FZD1: variants seen among roughly 807,000 people sequenced by gnomAD.
FZD1 encodes the protein frizzled class receptor 1, also known as frizzled-1.
Under a neutral mutation model 48.0 loss-of-function variants are expected in FZD1, and 22 were observed. That is an observed-to-expected ratio of 0.46 (90% CI 0.33 to 0.65). FZD1 has a LOEUF of 0.65. Among genes scored for constraint, FZD1 ranks in the 30% least tolerant of loss-of-function variants. The pLI is 0.02. For missense variants in FZD1, 843 were observed against 898.1 expected (o/e 0.94, Z 0.78); for synonymous variants, 486 against 409.6 (o/e 1.19, Z -2.25).
In FZD1 at chr7:91,265,983, C is replaced by T. The variant is rs772772421; in HGVS notation, c.1103C>T (p.Ala368Val). 6.2e-7 allele frequency: 1 copy of T among 1,614,088 alleles called. No individual in the cohort carries two copies. Among genetic ancestry groups the T allele is most frequent in the South Asian group, 1.1e-5 (1 of 91,080 alleles). Reference sequence around the variant, plus strand: ...GGCTGTTACACGGCCGTGGCCGTGGCCTACATCGCCGGCTTCCTCCTGGAA... The same window carrying T: ...GGCTGTTACACGGCCGTGGCCGTGGTCTACATCGCCGGCTTCCTCCTGGAA... The part of the protein sequence containing the change: ...LSGCYTAVAV[A>V]YIAGFLLEDR... The change falls in exon 1 of 1, where the codon GCC becomes GTC. Residue 368 changes from alanine (A) to valine (V), a missense_variant. This residue lies in a region of FZD1 where 353 missense variants were observed against 431.6 expected (regional missense o/e 0.82). Coordinates refer to ENST00000287934, the MANE Select transcript of FZD1 (RefSeq NM_003505.2). The surrounding 1 kb of genome is among the most constrained non-coding windows in gnomAD (Gnocchi z 6.9).
rs767694979 is a variant in FZD1, at chr7:91,265,510, A to G, written c.630A>G (p.Pro210=). The change falls in exon 1 of 1, where the codon CCA becomes CCG. Residue 210 remains proline, a synonymous_variant. Transcript: ENST00000287934. This position sits in a 1 kb window ranked among gnomAD's most constrained non-coding sequence, Gnocchi z 6.9. Reference sequence around the variant, plus strand: ...TGAACAAGTTCGGCTTCCAGTGGCCAGACACGCTCAAGTGTGAGAAGTTCC... The same window carrying G: ...TGAACAAGTTCGGCTTCCAGTGGCCGGACACGCTCAAGTGTGAGAAGTTCC... ...ALMNKFGFQW[P]DTLKCEKFPV... The G allele has an allele frequency of 3.3e-5, 53 of 1,612,458 alleles. No individual in the cohort carries two copies. The highest frequency in any genetic ancestry group is 4.2e-5 in the Non-Finnish European group (49 of 1,179,832).
chr7:91,269,765 A>G lies in FZD1; in HGVS notation c.*2941A>G, dbSNP rs1803942216. The G allele has an allele frequency of 6.0e-6, 1 of 166,986 alleles. No individual in the cohort carries two copies. The highest frequency in any genetic ancestry group is 1.5e-5 in the Non-Finnish European group (1 of 68,102). 10.3% of individuals were successfully genotyped at this position (166,986 alleles called of 1,614,324 possible). A position where few individuals can be genotyped will look rare whatever the true frequency, so the allele number is the denominator to read the frequency against. On this transcript the variant is annotated 3_prime_UTR_variant, in exon 1 of 1. Coordinates refer to ENST00000287934, the MANE Select transcript of FZD1 (RefSeq NM_003505.2). ...TTATTGTATAGACATACACAAAAAA[A>G]TAGTATTCTTAGGCCAAATTCACAC...
At position 91,264,903 on chromosome 7, in the gene FZD1, A is replaced by C. The variant is rs1056767061; in HGVS notation, c.23A>C (p.Lys8Thr). 7.6e-7 allele frequency: 1 copy of C among 1,319,816 alleles called. No homozygotes were observed. Among genetic ancestry groups the C allele is most frequent in the Non-Finnish European group, 9.6e-7 (1 of 1,040,126 alleles). 81.8% of individuals were successfully genotyped at this position (1,319,816 alleles called of 1,614,324 possible). Residue 8 changes from lysine (K) to threonine (T), a missense_variant, in exon 1 of 1, where the codon AAG becomes ACG. Coordinates refer to ENST00000287934, the MANE Select transcript of FZD1 (RefSeq NM_003505.2). ...AGTATGGCTGAGGAGGAGGCGCCTA[A>C]GAAGTCCCGGGCCGCCGGCGGTGGC... is the stretch of plus-strand genomic sequence containing the variant. MAEEEAPKKSRAAGGGAS... is the reference protein window; with the variant it reads MAEEEAPTKSRAAGGGAS...
In FZD1 at chr7:91,265,016, G is replaced by A; in HGVS notation, c.136G>A (p.Val46Ile). 3.5e-6 allele frequency: 5 copies of A among 1,410,032 alleles called. No homozygotes were observed. The South Asian group carries it at 7.5e-5, about 21-fold the overall frequency. The allele number at this position is 1,410,032 out of a possible 1,614,324, so 87.3% of individuals were successfully genotyped here. The change falls in exon 1 of 1, where the codon GTT (valine) becomes ATT (isoleucine). Residue 46 changes from valine (V) to isoleucine (I), a missense_variant. This residue lies in a region of FZD1 where 490 missense variants were observed against 466.5 expected (regional missense o/e 1.05). Transcript: ENST00000287934. The surrounding 1 kb of genome is among the most constrained non-coding windows in gnomAD (Gnocchi z 6.9). ...CGCCGGTGGCCGCCGCCGCCCGCCA[G>A]TTGACCCCCGGCGATTGGCGCGCCA... ...GDAGGRRRPPVDPRRLARQLL... is the reference protein window; with the variant it reads ...GDAGGRRRPPIDPRRLARQLL...
At position 91,265,232 on chromosome 7, in the gene FZD1, C is replaced by T; in HGVS notation, c.352C>T (p.Pro118Ser). 1 of 1,614,076 alleles carries T rather than the reference C, an allele frequency of 6.2e-7. No individual in the cohort carries two copies. Among genetic ancestry groups the T allele is most frequent in the Admixed American group, 1.7e-5 (1 of 60,030 alleles). ...CGTCCCGGACCACGGCTATTGCCAG[C>T]CCATCTCCATCCCGCTGTGCACGGA... ...ISVPDHGYCQ[P>S]ISIPLCTDIA... The change falls in exon 1 of 1, where the codon CCC becomes TCC. Residue 118 changes from proline to serine, a missense_variant. By Grantham distance (74) the Pro-to-Ser change is moderately conservative. Around this residue, in one of 2 missense-constraint regions of FZD1, gnomAD observed 490 missense variants for 466.5 expected, o/e 1.05. Transcript: ENST00000287934. The surrounding 1 kb of genome is among the most constrained non-coding windows in gnomAD (Gnocchi z 6.9).
rs1316262882 is a variant in FZD1 at position 91,264,668 on chromosome 7, G to A, written c.-213G>A. On this transcript the variant is annotated 5_prime_UTR_variant, in exon 1 of 1. Transcript: ENST00000287934. ...ACCCCGGCGCGCCCTAGCCACCCGGGTTCTCCCCGCCGCCCGCGCTTCATG... is the reference window on the plus strand; with the variant it reads ...ACCCCGGCGCGCCCTAGCCACCCGGATTCTCCCCGCCGCCCGCGCTTCATG... 1 of 393,660 alleles carries A rather than the reference G, an allele frequency of 2.5e-6. No homozygotes were observed. Among genetic ancestry groups the A allele is most frequent in the South Asian group, 1.4e-4 (1 of 7,136 alleles). The allele number at this position is 393,660 out of a possible 1,614,324, so 24.4% of individuals were successfully genotyped here.
chr7:91,266,511 A>T lies in FZD1; in HGVS notation c.1631A>T (p.Tyr544Phe), dbSNP rs767529276. ...CGCATTGGCGTCTTCAGCGTGCTGT[A>T]CACTGTGCCAGCCACCATCGTCATC... ...MVRIGVFSVL[Y>F]TVPATIVIAC... is the part of the protein sequence containing the mutation. The change falls in exon 1 of 1, where the codon TAC becomes TTC. Residue 544 changes from tyrosine (Y) to phenylalanine (F), a missense_variant. By Grantham distance (22) the Tyr-to-Phe change is conservative. This residue lies in a region of FZD1 where 353 missense variants were observed against 431.6 expected (regional missense o/e 0.82). Transcript: ENST00000287934. This position sits in a 1 kb window ranked among gnomAD's most constrained non-coding sequence, Gnocchi z 6.8. The T allele has an allele frequency of 3.7e-6, 6 of 1,613,996 alleles. No homozygotes were observed. In the South Asian group the frequency reaches 6.6e-5, roughly 18 times the overall value.
In FZD1 at chr7:91,267,206, C is replaced by G. The variant is rs1286406879; in HGVS notation, c.*382C>G. ...GGCGGTTTAACCATTTGAGGCTTTT[C>G]CTTCTTGCCCTTTTCGGAGTATTGC... is the stretch of plus-strand genomic sequence containing the variant. On this transcript the variant is annotated 3_prime_UTR_variant, in exon 1 of 1. Transcript: ENST00000287934. 7 of 178,596 alleles carry G rather than the reference C, an allele frequency of 3.9e-5. No homozygotes were observed. Among genetic ancestry groups the G allele is most frequent in the Non-Finnish European group, 9.3e-5 (7 of 75,492 alleles). The allele number at this position is 178,596 out of a possible 1,614,324, so 11.1% of individuals were successfully genotyped here.
rs965760493 is a variant in FZD1 at position 91,270,504 on chromosome 7, G to A, written c.*3680G>A. 5 of 167,190 alleles carry A rather than the reference G, an allele frequency of 3.0e-5. No homozygotes were observed. The highest frequency in any genetic ancestry group is 7.3e-5 in the Non-Finnish European group (5 of 68,114). The allele number at this position is 167,190 out of a possible 1,614,324, so 10.4% of individuals were successfully genotyped here. On this transcript the variant is annotated 3_prime_UTR_variant, in exon 1 of 1. Transcript: ENST00000287934. ...TCTGGTGTAGTTGTATCACCTTAAT[G>A]TCCAGCATTTAACTAGGAAAGGAGA...
rs367552951 is a variant in FZD1 at position 91,265,829 on chromosome 7, C to A, written c.949C>A (p.Arg317Ser). ...CATGTACTTCGGGCCCGAGGAGCTG[C>A]GCTTCTCGCGCACCTGGATTGGCAT... ...GLMYFGPEEL[R>S]FSRTWIGIWS... The change falls in exon 1 of 1, where the codon CGC becomes AGC. Residue 317 changes from arginine to serine, a missense_variant. Coordinates refer to ENST00000287934, the MANE Select transcript of FZD1 (RefSeq NM_003505.2). The surrounding 1 kb of genome is among the most constrained non-coding windows in gnomAD (Gnocchi z 6.9). The A allele has an allele frequency of 1.9e-6, 3 of 1,613,534 alleles. No homozygotes were observed. Among genetic ancestry groups the A allele is most frequent in the Non-Finnish European group, 2.5e-6 (3 of 1,179,484 alleles).
chr7:91,265,429 G>A lies in FZD1; in HGVS notation c.549G>A (p.Ala183=), dbSNP rs370651906. The A allele has an allele frequency of 2.5e-6, 4 of 1,613,380 alleles. No individual in the cohort carries two copies. The highest frequency in any genetic ancestry group is 2.2e-5 in the East Asian group (1 of 44,844). ...CCGTGTGCACCGTGCTAGAGCAGGC[G>A]CTGCCGCCCTGCCGCTCCCTGTGCG... ...YAPVCTVLEQ[A]LPPCRSLCER... is the part of the protein sequence containing the mutation. The change falls in exon 1 of 1, where the codon GCG becomes GCA. Residue 183 remains alanine (A), a synonymous_variant. Coordinates refer to ENST00000287934, the MANE Select transcript of FZD1 (RefSeq NM_003505.2). This position sits in a 1 kb window ranked among gnomAD's most constrained non-coding sequence, Gnocchi z 6.9.
At position 91,265,011 on chromosome 7, in the gene FZD1, C is replaced by G. The variant is rs776620932; in HGVS notation, c.131C>G (p.Pro44Arg). 17 of 1,406,614 alleles carry G rather than the reference C, an allele frequency of 1.2e-5. No homozygotes were observed. Among genetic ancestry groups the G allele is most frequent in the Non-Finnish European group, 1.5e-5 (16 of 1,080,636 alleles). The allele number at this position is 1,406,614 out of a possible 1,614,324, so 87.1% of individuals were successfully genotyped here. A position where few individuals can be genotyped will look rare whatever the true frequency, so the allele number is the denominator to read the frequency against. Residue 44 changes from proline (P) to arginine (R), a missense_variant, in exon 1 of 1, where the codon CCG (proline) becomes CGG (arginine). Around this residue, in one of 2 missense-constraint regions of FZD1, gnomAD observed 490 missense variants for 466.5 expected, o/e 1.05. Transcript: ENST00000287934. The surrounding 1 kb of genome is among the most constrained non-coding windows in gnomAD (Gnocchi z 6.9). The part of the protein sequence containing the change: ...GSGDAGGRRR[P>R]PVDPRRLARQ... ...GGGGACGCCGGTGGCCGCCGCCGCCCGCCAGTTGACCCCCGGCGATTGGCG... is the reference window on the plus strand; with the variant it reads ...GGGGACGCCGGTGGCCGCCGCCGCCGGCCAGTTGACCCCCGGCGATTGGCG...
chr7:91,268,069 A>C lies in FZD1; in HGVS notation c.*1245A>C, dbSNP rs1246734335. ...ACAGCAAAACGTAAACAGAAATTGA[A>C]AACTTGAAGGATATTTCAGTGTCAT... On this transcript the variant is annotated 3_prime_UTR_variant, in exon 1 of 1. Coordinates refer to ENST00000287934, the MANE Select transcript of FZD1 (RefSeq NM_003505.2). 6.0e-6 allele frequency: 1 copy of C among 167,088 alleles called. No homozygotes were observed. The highest frequency in any genetic ancestry group is 2.4e-5 in the African/African-American group (1 of 41,460). The allele number at this position is 167,088 out of a possible 1,614,324, so 10.4% of individuals were successfully genotyped here. A position where few individuals can be genotyped will look rare whatever the true frequency, so the allele number is the denominator to read the frequency against.
chr7:91,264,493 AGGCGGC>A lies in FZD1; in HGVS notation c.-379_-374del. On this transcript the variant is annotated 5_prime_UTR_variant, in exon 1 of 1. Coordinates refer to ENST00000287934, the MANE Select transcript of FZD1 (RefSeq NM_003505.2). ...AGTTGAGGGATTGACACAAATGGTC[AGGCGGC>A]GGCGGCGGAGAAGGAGGCGGAGGCG... The A allele has an allele frequency of 3.4e-6, 1 of 298,488 alleles. No homozygotes were observed. The highest frequency in any genetic ancestry group is 6.2e-6 in the Non-Finnish European group (1 of 161,430). 18.5% of individuals were successfully genotyped at this position (298,488 alleles called of 1,614,324 possible).
At position 91,265,785 on chromosome 7, in the gene FZD1, C is replaced by A. The variant is rs768823215; in HGVS notation, c.905C>A (p.Pro302Gln). ...GEKDCGAPCEPTKVYGLMYFG... is the reference protein window; with the variant it reads ...GEKDCGAPCEQTKVYGLMYFG... Reference sequence around the variant, plus strand: ...AAGGACTGCGGCGCACCTTGTGAGCCGACCAAGGTGTATGGGCTCATGTAC... The same window carrying A: ...AAGGACTGCGGCGCACCTTGTGAGCAGACCAAGGTGTATGGGCTCATGTAC... Residue 302 changes from proline (P) to glutamine (Q), a missense_variant, in exon 1 of 1, where the codon CCG becomes CAG. This residue lies in a region of FZD1 where 490 missense variants were observed against 466.5 expected (regional missense o/e 1.05). Coordinates refer to ENST00000287934, the MANE Select transcript of FZD1 (RefSeq NM_003505.2). This position sits in a 1 kb window ranked among gnomAD's most constrained non-coding sequence, Gnocchi z 6.9. 1 of 1,612,590 alleles carries A rather than the reference C, an allele frequency of 6.2e-7. No individual in the cohort carries two copies. The highest frequency in any genetic ancestry group is 1.1e-5 in the South Asian group (1 of 90,962).
Position 91,266,507 on chromosome 7 carries a change from C to G in FZD1, c.1627C>G (p.Leu543Val), listed in dbSNP as rs564163822. 1 of 1,614,044 alleles carries G rather than the reference C, an allele frequency of 6.2e-7. No individual in the cohort carries two copies. Among genetic ancestry groups the G allele is most frequent in the Non-Finnish European group, 8.5e-7 (1 of 1,180,012 alleles). Residue 543 changes from leucine to valine, a missense_variant, in exon 1 of 1, where the codon CTG becomes GTG. Coordinates refer to ENST00000287934, the MANE Select transcript of FZD1 (RefSeq NM_003505.2). The surrounding 1 kb of genome is among the most constrained non-coding windows in gnomAD (Gnocchi z 6.8). ...GGTGCGCATTGGCGTCTTCAGCGTG[C>G]TGTACACTGTGCCAGCCACCATCGT... ...LMVRIGVFSV[L>V]YTVPATIVIA...
At position 91,266,060 on chromosome 7, in the gene FZD1, G is replaced by A. The variant is rs781079161; in HGVS notation, c.1180G>A (p.Ala394Thr). 1 of 1,614,214 alleles carries A rather than the reference G, an allele frequency of 6.2e-7. No individual in the cohort carries two copies. The highest frequency in any genetic ancestry group is 2.2e-5 in the East Asian group (1 of 44,872). ...CGCCGAGGACGGGGCACGCACTGTG[G>A]CGCAGGGCACCAAGAAGGAGGGCTG... ...KFAEDGARTV[A>T]QGTKKEGCTI... The change falls in exon 1 of 1, where the codon GCG becomes ACG. Residue 394 changes from alanine to threonine, a missense_variant. Physicochemically the swap from Ala to Thr is moderately conservative, Grantham distance 58. Coordinates refer to ENST00000287934, the MANE Select transcript of FZD1 (RefSeq NM_003505.2). The surrounding 1 kb of genome is among the most constrained non-coding windows in gnomAD (Gnocchi z 6.8).
In FZD1 at chr7:91,265,548, C is replaced by A; in HGVS notation, c.668C>A (p.Ala223Asp). ...LKCEKFPVHG[A>D]GELCVGQNTS... is the part of the protein sequence containing the mutation. Reference sequence around the variant, plus strand: ...TGTGAGAAGTTCCCGGTGCACGGCGCCGGCGAGCTGTGCGTGGGCCAGAAC... The same window carrying A: ...TGTGAGAAGTTCCCGGTGCACGGCGACGGCGAGCTGTGCGTGGGCCAGAAC... Residue 223 changes from alanine (A) to aspartate (D), a missense_variant, in exon 1 of 1, where the codon GCC becomes GAC. By Grantham distance (126) the Ala-to-Asp change is moderately radical (BLOSUM62 -2). Transcript: ENST00000287934. The surrounding 1 kb of genome is among the most constrained non-coding windows in gnomAD (Gnocchi z 6.9). The A allele has an allele frequency of 2.5e-6, 4 of 1,611,234 alleles. No individual in the cohort carries two copies. The highest frequency in any genetic ancestry group is 2.5e-6 in the Non-Finnish European group (3 of 1,179,770).
At position 91,267,746 on chromosome 7, in the gene FZD1, T is replaced by G. The variant is rs1291984987; in HGVS notation, c.*922T>G. On this transcript the variant is annotated 3_prime_UTR_variant, in exon 1 of 1. Transcript: ENST00000287934. The stretch of plus-strand genomic sequence containing the variant: ...CAATGCCAAACTTTTTGAAGTCTAA[T>G]TTTTGAGGGGTGAGCTCATTTCATT... 6.0e-6 allele frequency: 1 copy of G among 167,104 alleles called. No individual in the cohort carries two copies. The highest frequency in any genetic ancestry group is 6.5e-5 in the Admixed American group (1 of 15,284). 10.4% of individuals were successfully genotyped at this position (167,104 alleles called of 1,614,324 possible).
Sources: allele counts gnomAD v4.1 joint callset, GRCh38; gene constraint gnomAD v4.1.1; regional missense constraint gnomAD v4.1.1; non-coding constraint Gnocchi (gnomAD v3.1); transcripts MANE v1.5; gene names NCBI Gene and HGNC (gene_info 2026-07-23, HGNC 2026-07-21).